Variants in DISC1 observed in about 807,000 individuals in gnomAD.
DISC1 encodes the protein DISC1 scaffold protein.
In DISC1, 57 loss-of-function variants were observed where a neutral mutation model predicts 84.5. The ratio of observed to expected loss-of-function variants is 0.67; its 90% confidence interval spans 0.55 to 0.84. DISC1 has a LOEUF of 0.84. DISC1 is among the 40% of genes least tolerant of loss of function. The pLI is 0.00. For missense variants in DISC1, 1,000 were observed against 1,057.8 expected (o/e 0.95, Z 0.76); for synonymous variants, 411 against 415.2 (o/e 0.99, Z 0.12).
At position 232,018,381 on chromosome 1, in the gene DISC1, T is replaced by C. The variant is rs139459520; in HGVS notation, c.2308-8054T>C. On this transcript the variant is annotated intron_variant, in intron 11 of 12. Coordinates refer to ENST00000439617, the MANE Select transcript of DISC1 (RefSeq NM_018662.3). The stretch of plus-strand genomic sequence containing the variant: ...GAACTATAACTGAGTAAAAATGTCC[T>C]TGGAGACCCTGGTCATGGAATTTGT... Among the ~76,000 whole-genome samples the C allele has an allele frequency of 2.6e-3, 402 of 152,324 alleles. 2 individuals are homozygous for C. Among genetic ancestry groups the C allele is most frequent in the African/African-American group, 9.3e-3 (387 of 41,566 alleles).
intron 6 of DISC1, among the ~76,000 whole-genome samples, chr1:231,781,797 A>T (rs202171919): frequency 1.2e-4 from 18 of 152,214 alleles, no homozygotes; most frequent in Non-Finnish European, 2.4e-4. Flanking sequence ...ACTCTTCTTC[A>T]GACCTTGAGC....
rs1430209611 is a variant in DISC1, at chr1:231,794,806, C to T, written c.1635-436C>T. On this transcript the variant is annotated intron_variant, in intron 6 of 12. Coordinates refer to ENST00000439617, the MANE Select transcript of DISC1 (RefSeq NM_018662.3). ...TCTCCTTTATGCTCTATGTCAATGC[C>T]GAATGCAGAGGGCTCTGGGTACATA... is the stretch of plus-strand genomic sequence containing the variant. Among the ~76,000 whole-genome samples, 5 of 152,126 alleles carry T rather than the reference C, an allele frequency of 3.3e-5. No individual in the cohort carries two copies. The East Asian group carries it at 9.6e-4, about 29-fold the overall frequency.
chr1:231,977,985 C>G (rs1394545594), intron 10 of DISC1, among the ~76,000 whole-genome samples: 3 of 151,950 alleles, frequency 2.0e-5, no homozygotes, highest in Non-Finnish European at 4.4e-5. Context: ...TTTCCTTTTC[C>G]TTTACTTCCT....
chr1:232,013,899 T>C (rs1302450443), intron 11 of DISC1, among the ~76,000 whole-genome samples: 1 of 152,040 alleles, frequency 6.6e-6, no homozygotes, highest in Non-Finnish European at 1.5e-5. Flanking sequence ...GGAATTCTGG[T>C]TTCTATGGCT....
At chr1:231,674,598 C>T (rs767160304) in intron 1 of DISC1, among the ~76,000 whole-genome samples, 1 of 152,212 alleles carries the variant, frequency 6.6e-6, no homozygotes, top group Non-Finnish European at 1.5e-5. Flanking sequence ...GGGTGTGCAG[C>T]CTCAGCTTGG....
intron 9 of DISC1, among the ~76,000 whole-genome samples, chr1:231,942,228 A>G (rs2091385180): frequency 1.3e-5 from 2 of 152,250 alleles, no homozygotes; most frequent in Non-Finnish European, 2.9e-5. Flanking sequence ...GGACAAGTAT[A>G]AAAAGGTGCA....
chr1:231,846,095 G>A (rs562341942), intron 9 of DISC1, among the ~76,000 whole-genome samples: 1 of 152,300 alleles, frequency 6.6e-6, no homozygotes, highest in Admixed American at 6.5e-5. Flanking sequence ...TGAAGGTAGA[G>A]CCACGTTAGG....
chr1:231,948,410 A>G (rs1246150347), intron 9 of DISC1, among the ~76,000 whole-genome samples: 2 of 152,160 alleles, frequency 1.3e-5, no homozygotes, highest in Non-Finnish European at 2.9e-5. Flanking sequence ...AATAATGGGA[A>G]CACATGGACA....
At chr1:231,810,642 G>C (rs2080205288) in intron 8 of DISC1, among the ~76,000 whole-genome samples, 1 of 152,180 alleles carries the variant, frequency 6.6e-6, no homozygotes, top group African/African-American at 2.4e-5. Flanking sequence ...AAAGGCGAAG[G>C]CTTCAGGTGT....
chr1:231,672,167 C>T (rs1014565037), intron 1 of DISC1, among the ~76,000 whole-genome samples: 8 of 152,016 alleles, frequency 5.3e-5, no homozygotes, highest in East Asian at 3.9e-4. Context: ...CTTCTTGAAA[C>T]GAGAATACTT....
chr1:231,636,571 T>G (rs944699992), intron 1 of DISC1, among the ~76,000 whole-genome samples: 1 of 152,204 alleles, frequency 6.6e-6, no homozygotes, highest in Non-Finnish European at 1.5e-5. Context: ...TGGGATTATC[T>G]AAGTGCATTT....
At chr1:231,738,340 G>A (rs1036875853) in intron 3 of DISC1, among the ~76,000 whole-genome samples, 1 of 152,174 alleles carries the variant, frequency 6.6e-6, no homozygotes, top group Non-Finnish European at 1.5e-5. Flanking sequence ...CACATTGCAT[G>A]CAGTTGTTGT....
intron 7 of DISC1, among the ~76,000 whole-genome samples, chr1:231,798,708 G>A (rs955104743): frequency 4.6e-5 from 7 of 152,110 alleles, no homozygotes; most frequent in African/African-American, 1.7e-4. Flanking sequence ...CTTTGGACAT[G>A]CGGATGCCCA....
At chr1:231,939,759 T>C (rs567812760) in intron 9 of DISC1, among the ~76,000 whole-genome samples, 1 of 152,180 alleles carries the variant, frequency 6.6e-6, no homozygotes, top group South Asian at 2.1e-4. Context: ...ATTTTTTTTT[T>C]TGAGATGGAG....
intron 9 of DISC1, among the ~76,000 whole-genome samples, chr1:231,918,252 T>A (rs138109504): frequency 1.6e-3 from 251 of 152,362 alleles, no homozygotes; most frequent in Non-Finnish European, 2.8e-3. Flanking sequence ...TTTCAGCTTT[T>A]TCCTACTTTA....
intron 4 of DISC1, among the ~76,000 whole-genome samples, chr1:231,760,845 G>C (rs1418950120): frequency 6.6e-6 from 1 of 152,200 alleles, no homozygotes; most frequent in East Asian, 1.9e-4. Flanking sequence ...GGGCCTGAGT[G>C]CTGGGCTGGG....
chr1:231,898,882 G>A (rs1252181560), intron 9 of DISC1, among the ~76,000 whole-genome samples: 1 of 151,824 alleles, frequency 6.6e-6, no homozygotes, highest in East Asian at 1.9e-4. Context: ...GCAGTGAGCC[G>A]AGATGATGCA....
rs1659003468 is a variant in DISC1, at chr1:231,954,265, T to C, written c.1982-4563T>C. Among the ~76,000 whole-genome samples, 1 of 152,210 alleles carries C rather than the reference T, an allele frequency of 6.6e-6. No homozygotes were observed. ...CTCTGTGTCCCTGGAAGCCGTGTCC[T>C]TTTTCTATTTAATTAGTGCCAAGTA... On this transcript the variant is annotated intron_variant, in intron 9 of 12. Coordinates refer to ENST00000439617, the MANE Select transcript of DISC1 (RefSeq NM_018662.3). The surrounding 1 kb of genome is among the most constrained non-coding windows in gnomAD (Gnocchi z 4.8).
chr1:231,742,579 C>G (rs1484864979), intron 3 of DISC1, among the ~76,000 whole-genome samples: 1 of 151,990 alleles, frequency 6.6e-6, no homozygotes, highest in Admixed American at 6.6e-5. Flanking sequence ...TTGTGATCAG[C>G]CTGGACAACA....
Sources: gnomAD v4.1 joint callset for allele counts (sites outside exome capture counted in the v4.1 genomes callset) on GRCh38, gnomAD v4.1.1 for gene constraint, Gnocchi (gnomAD v3.1) non-coding constraint, MANE v1.5 for transcripts, NCBI Gene and HGNC (gene_info 2026-07-23, HGNC 2026-07-21) for gene names.